Variants in MSH3 observed in about 807,000 individuals in gnomAD.
The protein encoded by MSH3 is mutS homolog 3.
Under a neutral mutation model 123.3 loss-of-function variants are expected in MSH3, and 106 were observed. That is an observed-to-expected ratio of 0.86 (90% CI 0.73 to 1.01). MSH3 has a LOEUF of 1.01. Among genes scored for constraint, MSH3 ranks in the 50% least tolerant of loss-of-function variants. The probability of loss-of-function intolerance (pLI) is 0.00; values close to 1 mark genes in which losing one functional copy is unlikely to be tolerated. For missense variants in MSH3, 1,459 were observed against 1,347.6 expected (o/e 1.08, Z -1.29); for synonymous variants, 515 against 481.4 (o/e 1.07, Z -0.91).
intron 8 of MSH3, among the ~76,000 whole-genome samples, chr5:80,709,207 A>AT (rs1491153058): frequency 8.5e-6 from 1 of 117,024 alleles, no homozygotes; most frequent in Admixed American, 9.3e-5. Flanking sequence ...TATAAAATAG[A>AT]TATGTGTGTG....
chr5:80,858,818 A>G (rs1429330751), intron 21 of MSH3, among the ~76,000 whole-genome samples: 2 of 152,124 alleles, frequency 1.3e-5, no homozygotes, highest in African/African-American at 4.8e-5. Context: ...ATCTCTAACT[A>G]TAGTAGTATG....
At chr5:80,762,741 TTTTG>T (rs1275114680) in intron 13 of MSH3, among the ~76,000 whole-genome samples, 2 of 150,416 alleles carry the variant, frequency 1.3e-5, no homozygotes, top group Admixed American at 6.6e-5. Context: ...TTTTATTTTA[TTTTG>T]TTTTATTTTG....
At chr5:80,828,564 C>G (rs754774802) in intron 20 of MSH3, among the ~76,000 whole-genome samples, 10 of 152,110 alleles carry the variant, frequency 6.6e-5, no homozygotes, top group African/African-American at 2.4e-4. Context: ...AGAGTCTCAT[C>G]GAATCAGATG....
chr5:80,859,818 C>G (rs537950488), intron 21 of MSH3, among the ~76,000 whole-genome samples: 1 of 150,654 alleles, frequency 6.6e-6, no homozygotes, highest in Admixed American at 6.6e-5. Flanking sequence ...GCTGAAGTGA[C>G]CTTCCCACCT....
chr5:80,831,531 G>A (rs1422794401), intron 20 of MSH3, among the ~76,000 whole-genome samples: 1 of 152,068 alleles, frequency 6.6e-6, no homozygotes, highest in African/African-American at 2.4e-5. Context: ...ACCATATGGT[G>A]CCTACATATC....
intron 20 of MSH3, among the ~76,000 whole-genome samples, chr5:80,834,246 T>C (rs1411325481): frequency 6.6e-6 from 1 of 152,152 alleles, no homozygotes; most frequent in Non-Finnish European, 1.5e-5. Context: ...CAGAGCCGCC[T>C]CAGAATAACA....
rs185827828 is a variant in MSH3 at position 80,754,966 on chromosome 5, C to T, written c.1764-6580C>T. Among the ~76,000 whole-genome samples the T allele has an allele frequency of 1.3e-3, 197 of 152,234 alleles. 2 individuals carry two copies. Among genetic ancestry groups the T allele is most frequent in the African/African-American group, 4.5e-3 (188 of 41,540 alleles). ...CTGGAACTTCTAAAATGAACTACAC[C>T]GGGAAGCCCTCTGTATTCTTTGTGG... is the stretch of plus-strand genomic sequence containing the variant. On this transcript the variant is annotated intron_variant, in intron 12 of 23. Transcript: ENST00000265081.
At chr5:80,682,631 A>G (rs1322935589) in intron 8 of MSH3, among the ~76,000 whole-genome samples, 1 of 152,194 alleles carries the variant, frequency 6.6e-6, no homozygotes, top group African/African-American at 2.4e-5. Context: ...TATGGGTTAC[A>G]TGAGATACTT....
chr5:80,672,273 C>T lies in MSH3; in HGVS notation c.822C>T (p.Cys274=), dbSNP rs764401738. 8 of 1,613,354 alleles carry T rather than the reference C, an allele frequency of 5.0e-6. No homozygotes were observed. The highest frequency in any genetic ancestry group is 6.8e-6 in the Non-Finnish European group (8 of 1,179,592). The change falls in exon 5 of 24, where the codon TGC becomes TGT. Residue 274 remains cysteine, a synonymous_variant. Coordinates refer to ENST00000265081, the MANE Select transcript of MSH3 (RefSeq NM_002439.5). ...EIAARELNIY[C]HLDHNFMTAS... is the part of the protein sequence containing the mutation. ...CAGCCCGAGAGCTCAATATTTATTG[C>T]CATTTAGATCACAACTTTATGACAG... is the stretch of plus-strand genomic sequence containing the variant.
intron 23 of MSH3, among the ~76,000 whole-genome samples, chr5:80,874,142 C>A (rs763412514): frequency 9.9e-5 from 15 of 152,052 alleles, no homozygotes; most frequent in Admixed American, 6.5e-5. Flanking sequence ...CAATAATATT[C>A]TTTAATATTT....
intron 8 of MSH3, among the ~76,000 whole-genome samples, chr5:80,679,688 A>T (rs955303686): frequency 6.6e-6 from 1 of 152,170 alleles, no homozygotes; most frequent in Non-Finnish European, 1.5e-5. Context: ...CGTACAGAGG[A>T]AGAAGATGTG....
chr5:80,843,839 T>A (rs1745670474), intron 20 of MSH3, among the ~76,000 whole-genome samples: 1 of 152,110 alleles, frequency 6.6e-6, no homozygotes, highest in Non-Finnish European at 1.5e-5. Flanking sequence ...ATTTTGTTGA[T>A]CTTTTCAAAA....
At chr5:80,863,343 G>A (rs946258171) in intron 21 of MSH3, among the ~76,000 whole-genome samples, 1 of 152,108 alleles carries the variant, frequency 6.6e-6, no homozygotes, top group African/African-American at 2.4e-5. Flanking sequence ...ATATTTTAGG[G>A]AGGCATGAGA....
At chr5:80,778,984 T>G in intron 17 of MSH3, 148 bp downstream of exon 17, 1 of 569,606 alleles carries the variant, frequency 1.8e-6, no homozygotes, top group East Asian at 3.0e-5. Context: ...TTATTTCTTT[T>G]TTTTTTTTTT....
intron 21 of MSH3, among the ~76,000 whole-genome samples, chr5:80,863,469 G>A (rs913675615): frequency 2.0e-5 from 3 of 152,110 alleles, no homozygotes; most frequent in Non-Finnish European, 2.9e-5. Flanking sequence ...AGGAGATTGT[G>A]ACCATCCTGG....
At chr5:80,845,695 G>T (rs1463195645) in intron 20 of MSH3, among the ~76,000 whole-genome samples, 1 of 152,040 alleles carries the variant, frequency 6.6e-6, no homozygotes, top group Non-Finnish European at 1.5e-5. Context: ...GGTCAAATCG[G>T]CTATTGAAGA....
intron 10 of MSH3, among the ~76,000 whole-genome samples, chr5:80,729,460 G>GTGTGTGTGTGTGTATATATA (rs1277559108): frequency 1.1e-5 from 1 of 95,022 alleles, no homozygotes; most frequent in African/African-American, 4.2e-5. Flanking sequence ...GTGTGTGTGT[G>GTGTGTGTGTGTGTATATATA]TATATATATA....
chr5:80,803,285 A>G (rs1744824670), intron 19 of MSH3, among the ~76,000 whole-genome samples: 1 of 152,138 alleles, frequency 6.6e-6, no homozygotes, highest in Non-Finnish European at 1.5e-5. Context: ...CTGGGGTGAG[A>G]TGATATCTCA....
rs1561486630 is a variant in MSH3, at chr5:80,813,591, C to G, written c.2663C>G (p.Ser888Ter). 2 of 1,614,042 alleles carry G rather than the reference C, an allele frequency of 1.2e-6. No individual in the cohort carries two copies. Among genetic ancestry groups the G allele is most frequent in the Admixed American group, 3.3e-5 (2 of 60,010 alleles). ...TTCCTTTCTAATTTTCAGGAGGACTCAGAGAGAGTAATGATAATTACCGGA... is the reference window on the plus strand; with the variant it reads ...TTCCTTTCTAATTTTCAGGAGGACTGAGAGAGAGTAATGATAATTACCGGA... ...VPNNTDLSED[S>*]ERVMIITGPN... Residue 888 changes from serine (S) to a stop codon, truncating the protein, a stop_gained, in exon 20 of 24, where the codon TCA becomes TGA. Coordinates refer to ENST00000265081, the MANE Select transcript of MSH3 (RefSeq NM_002439.5). LOFTEE classifies it high-confidence loss of function.
Sources: gnomAD v4.1 joint callset for allele counts (sites outside exome capture counted in the v4.1 genomes callset) on GRCh38, gnomAD v4.1.1 for gene constraint, MANE v1.5 for transcripts, NCBI Gene and HGNC (gene_info 2026-07-23, HGNC 2026-07-21) for gene names.